RBFOX1: variants seen among roughly 807,000 people sequenced by gnomAD.
RBFOX1 encodes the protein RNA binding fox-1 homolog 1, also known as RNA binding protein fox-1 homolog 1.
A neutral mutation model predicts 57.7 loss-of-function variants in RBFOX1; 8 were observed. The ratio of observed to expected loss-of-function variants is 0.14; its 90% CI spans 0.08 to 0.25. The LOEUF (loss-of-function observed/expected upper bound fraction) is 0.25. Ranked by LOEUF, RBFOX1 falls within the 10% of genes least tolerant of loss-of-function variation. The pLI is 1.00. For synonymous variants in RBFOX1, 326 were observed against 222.4 expected (o/e 1.47, Z -4.15); for missense variants, 611 against 548.5 (o/e 1.11, Z -1.14).
intron 1 of RBFOX1, among the ~76,000 whole-genome samples, chr16:6,315,344 G>A (rs62016214): frequency 0.13 from 19,224 of 151,404 alleles, 1,473 homozygotes; most frequent in South Asian, 0.24. Context: ...ATGGGTGGAC[G>A]GATGGATGAA....
intron 3 of RBFOX1, among the ~76,000 whole-genome samples, chr16:6,882,123 A>G (rs1274153313): frequency 6.6e-6 from 1 of 152,164 alleles, no homozygotes; most frequent in Non-Finnish European, 1.5e-5. Flanking sequence ...ATTTAGCAGG[A>G]AAGTCAAGGC....
intron 3 of RBFOX1, among the ~76,000 whole-genome samples, chr16:7,036,729 ACAAAG>A (rs1247667603): frequency 4.4e-5 from 5 of 113,456 alleles, no homozygotes; most frequent in Non-Finnish European, 9.0e-5. Flanking sequence ...CAAAAAACAA[ACAAAG>A]AAAAAAAAAA....
intron 2 of RBFOX1, among the ~76,000 whole-genome samples, chr16:6,324,668 C>T (rs1051003466): frequency 2.0e-5 from 3 of 152,232 alleles, no homozygotes; most frequent in Non-Finnish European, 4.4e-5. Flanking sequence ...CACCTACCAC[C>T]TGGCTCACTT....
chr16:7,297,265 C>T (rs1265894775), intron 4 of RBFOX1, among the ~76,000 whole-genome samples: 1 of 152,146 alleles, frequency 6.6e-6, no homozygotes, highest in Non-Finnish European at 1.5e-5. Flanking sequence ...GACAAACTAC[C>T]CCACCCTGTG....
chr16:6,159,707 C>G (rs540791836), intron 1 of RBFOX1, among the ~76,000 whole-genome samples: 1 of 152,262 alleles, frequency 6.6e-6, no homozygotes, highest in South Asian at 2.1e-4. Context: ...TGCTCTTAAC[C>G]TCATTTTTCT....
chr16:5,840,819 G>A (rs557000181), intron 3 of RBFOX1, among the ~76,000 whole-genome samples: 1 of 152,180 alleles, frequency 6.6e-6, no homozygotes, highest in East Asian at 1.9e-4. Context: ...AAAACCTAGG[G>A]GAACCACTCT....
At chr16:6,759,146 A>ATT (rs1328663312) in intron 3 of RBFOX1, among the ~76,000 whole-genome samples, 24 of 49,516 alleles carry the variant, frequency 4.8e-4, no homozygotes, top group African/African-American at 1.6e-3. Context: ...TTACTTATCA[A>ATT]TTCTTTTTTT....
At chr16:7,493,491 C>G (rs10163408) in intron 4 of RBFOX1, among the ~76,000 whole-genome samples, 11,656 of 152,182 alleles carry the variant, frequency 0.077, 1,473 homozygotes, top group African/African-American at 0.26. Flanking sequence ...AGAATTATTT[C>G]TTTTGAATTG....
chr16:6,845,924 T>C (rs1421562652), intron 3 of RBFOX1, among the ~76,000 whole-genome samples: 3 of 152,182 alleles, frequency 2.0e-5, no homozygotes, highest in African/African-American at 7.2e-5. Flanking sequence ...AAAAGGCAAA[T>C]CTCAACCTGC....
At position 5,833,512 on chromosome 16, in the gene RBFOX1, A is replaced by AAAAAG. The variant is rs1379160773; in HGVS notation, c.319-33788_319-33787insAGAAA. Among the ~76,000 whole-genome samples the AAAAAG allele has an allele frequency of 3.9e-3, 590 of 150,996 alleles. 1 individual carries two copies. The highest frequency in any genetic ancestry group is 0.014 in the African/African-American group (567 of 40,752). On this transcript the variant is annotated intron_variant, in intron 3 of 19. Transcript: ENST00000641259. ...TCTATCTCAAAAAAAAAAAAAAAAA[A>AAAAAG]AAAGAAAGAAATCTGTAGAAGGTCA...
intron 14 of RBFOX1, among the ~76,000 whole-genome samples, chr16:7,693,747 G>T (rs1020137655): frequency 4.6e-5 from 7 of 152,126 alleles, no homozygotes; most frequent in African/African-American, 1.4e-4. Context: ...TGGGTTCATA[G>T]AGACTGATGT....
chr16:7,331,533 C>T (rs1269930208), intron 4 of RBFOX1, among the ~76,000 whole-genome samples: 2 of 152,146 alleles, frequency 1.3e-5, no homozygotes, highest in Admixed American at 6.5e-5. Flanking sequence ...TCAAAGCCTT[C>T]AATCTGAAAC....
Position 7,708,531 on chromosome 16 carries a change from C to T in RBFOX1, c.996-525C>T, listed in dbSNP as rs1479255019. Among the ~76,000 whole-genome samples, 8 of 152,268 alleles carry T rather than the reference C, an allele frequency of 5.3e-5. No homozygotes were observed. In the East Asian group the frequency reaches 1.4e-3, roughly 26 times the overall value. On this transcript the variant is annotated intron_variant, in intron 14 of 15. Transcript: ENST00000550418. Reference sequence around the variant, plus strand: ...AATGGGAATGGGGGTCCCACAGACCCTTTAAGGCTGCTTCCATTCAAATAT... The same window carrying T: ...AATGGGAATGGGGGTCCCACAGACCTTTTAAGGCTGCTTCCATTCAAATAT...
chr16:6,694,798 G>T (rs1165419849), intron 3 of RBFOX1, among the ~76,000 whole-genome samples: 2 of 152,152 alleles, frequency 1.3e-5, no homozygotes, highest in African/African-American at 4.8e-5. Context: ...GCTTTTCCGT[G>T]CATCAGTCAC....
At chr16:6,733,504 A>G (rs1268236519) in intron 3 of RBFOX1, among the ~76,000 whole-genome samples, 1 of 152,204 alleles carries the variant, frequency 6.6e-6, no homozygotes, top group Non-Finnish European at 1.5e-5. Flanking sequence ...TGCTAGGTCA[A>G]GCTAGTCAAC....
intron 2 of RBFOX1, among the ~76,000 whole-genome samples, chr16:6,603,949 TG>T (rs56769971): frequency 0.19 from 29,536 of 152,060 alleles, 3,292 homozygotes; most frequent in East Asian, 0.43. Context: ...AGTTGGTTTG[TG>T]GCTTCTTCCC....
chr16:7,674,702 C>T (rs893418351), intron 13 of RBFOX1, among the ~76,000 whole-genome samples: 5 of 152,140 alleles, frequency 3.3e-5, no homozygotes, highest in Non-Finnish European at 7.3e-5. Context: ...CATAGATGAC[C>T]ACATTTGCTG....
intron 3 of RBFOX1, among the ~76,000 whole-genome samples, chr16:6,812,397 G>C (rs1362099011): frequency 6.6e-6 from 1 of 152,066 alleles, no homozygotes; most frequent in Non-Finnish European, 1.5e-5. Context: ...TTTTGAGACG[G>C]AGTCTGGGTC....
chr16:6,631,395 T>G (rs1020166580), intron 2 of RBFOX1, among the ~76,000 whole-genome samples: 1 of 151,740 alleles, frequency 6.6e-6, no homozygotes, highest in African/African-American at 2.4e-5. Flanking sequence ...AAACACTTTT[T>G]ATTATGAAAC....
Sources: gnomAD v4.1 joint callset for allele counts (sites outside exome capture counted in the v4.1 genomes callset) on GRCh38, gnomAD v4.1.1 for gene constraint, MANE v1.5 for transcripts, NCBI Gene and HGNC (gene_info 2026-07-23, HGNC 2026-07-21) for gene names.